ELK3: variants seen among roughly 807,000 people sequenced by gnomAD.
ELK3 encodes the protein ETS transcription factor ELK3.
ELK3 carries 10 observed loss-of-function variants against 28.9 expected under a neutral mutation model. That is an observed-to-expected ratio of 0.35 (90% confidence interval 0.21 to 0.59). The LOEUF (loss-of-function observed/expected upper bound fraction) is 0.59. ELK3 is among the 20% of genes least tolerant of loss of function. ELK3 has a pLI of 0.82. For synonymous variants in ELK3, 272 were observed against 243.5 expected (o/e 1.12, Z -1.09); for missense variants, 463 against 517.3 (o/e 0.90, Z 1.02).
chr12:96,246,871 A>G (rs1336101553), intron 2 of ELK3, 69 bp from the exon 3 acceptor site: 1 of 1,474,678 alleles, frequency 6.8e-7, no homozygotes, highest in East Asian at 2.3e-5. Context: ...GACATTTACC[A>G]TTATCATGAG....
In ELK3 at chr12:96,267,466, T is replaced by G. The variant is rs997129166; in HGVS notation, c.*286T>G. On this transcript the variant is annotated 3_prime_UTR_variant, in exon 5 of 5. Coordinates refer to ENST00000228741, the MANE Select transcript of ELK3 (RefSeq NM_005230.4). ...ACTGTTGACAGTGAAGAACTTTTCT[T>G]AATGGTTTTCAGTATAACTAATAAG... 4 of 265,114 alleles carry G rather than the reference T, an allele frequency of 1.5e-5. No homozygotes were observed. Among genetic ancestry groups the G allele is most frequent in the African/African-American group, 9.0e-5 (4 of 44,620 alleles). 16.4% of individuals were successfully genotyped at this position (265,114 alleles called of 1,614,324 possible).
At chr12:96,251,643 C>T (rs1283281583) in intron 3 of ELK3, among the ~76,000 whole-genome samples, 1 of 152,098 alleles carries the variant, frequency 6.6e-6, no homozygotes, top group Non-Finnish European at 1.5e-5. Flanking sequence ...AGTGGGACAT[C>T]CTGATTGTTG....
chr12:96,254,591 C>T (rs1046621357), intron 3 of ELK3, among the ~76,000 whole-genome samples: 2 of 152,090 alleles, frequency 1.3e-5, no homozygotes, highest in African/African-American at 4.8e-5. Context: ...CAGGTCAACA[C>T]ACATGAACTG....
At chr12:96,219,365 G>A (rs895509157) in intron 1 of ELK3, among the ~76,000 whole-genome samples, 20 of 152,130 alleles carry the variant, frequency 1.3e-4, no homozygotes, top group Non-Finnish European at 2.8e-4. Context: ...ACGAAAATCT[G>A]TAGTGTTAGC....
intron 1 of ELK3, among the ~76,000 whole-genome samples, chr12:96,201,483 C>T (rs542800176): frequency 2.0e-5 from 3 of 148,356 alleles, no homozygotes; most frequent in African/African-American, 7.4e-5. Context: ...CGTGGTGGTG[C>T]GTGCCAGTAG....
At chr12:96,226,516 C>CCACATGCACACACCCATGCCCACATGCA (rs113727989) in intron 2 of ELK3, among the ~76,000 whole-genome samples, 1 of 150,024 alleles carries the variant, frequency 6.7e-6, no homozygotes, top group Non-Finnish European at 1.5e-5. Flanking sequence ...ACACCCATGC[C>CCACATGCACACACCCATGCCCACATGCA]CACACAGATG....
At chr12:96,208,527 A>G (rs1369576264) in intron 1 of ELK3, among the ~76,000 whole-genome samples, 1 of 152,210 alleles carries the variant, frequency 6.6e-6, no homozygotes, top group Non-Finnish European at 1.5e-5. Flanking sequence ...TGGAAGGGAG[A>G]GGGTCAAGAG....
chr12:96,226,825 A>G (rs1951705527), intron 2 of ELK3, among the ~76,000 whole-genome samples: 1 of 151,994 alleles, frequency 6.6e-6, no homozygotes, highest in Admixed American at 6.5e-5. Context: ...GGGGAGGAAG[A>G]TAAGAAGAAA....
chr12:96,252,809 A>G (rs1240497079), intron 3 of ELK3, among the ~76,000 whole-genome samples: 3 of 152,248 alleles, frequency 2.0e-5, no homozygotes. Context: ...AATGACAACA[A>G]AGGACTGAGA....
intron 2 of ELK3, among the ~76,000 whole-genome samples, chr12:96,238,863 C>T (rs1193562123): frequency 1.3e-5 from 2 of 152,160 alleles, no homozygotes; most frequent in Non-Finnish European, 2.9e-5. Flanking sequence ...CAGTTAACCC[C>T]ACTATTACTC....
intron 3 of ELK3, among the ~76,000 whole-genome samples, chr12:96,251,574 AG>A (rs1167753491): frequency 1.3e-5 from 2 of 152,316 alleles, no homozygotes; most frequent in African/African-American, 2.4e-5. Flanking sequence ...GTAAATGTAA[AG>A]GAAGAGTTCC....
rs1317426274 is a variant in ELK3, at chr12:96,199,033, C to T, written c.-3+4328C>T. Among the ~76,000 whole-genome samples the T allele has an allele frequency of 7.9e-5, 12 of 152,276 alleles. No homozygotes were observed. In the South Asian group the frequency reaches 1.5e-3, roughly 18 times the overall value. ...TGGTTCAAGTAATGTTCTAAGAATG[C>T]TGCCCTCTTGAAAGACTGAGTTCCT... On this transcript the variant is annotated intron_variant, in intron 1 of 4. Transcript: ENST00000228741.
rs751251774 is a variant in ELK3 at position 96,267,254 on chromosome 12, C to T, written c.*74C>T. 26 of 1,279,360 alleles carry T rather than the reference C, an allele frequency of 2.0e-5. 1 individual carries two copies. The highest frequency in any genetic ancestry group is 6.7e-5 in the Admixed American group (3 of 44,466). The allele number at this position is 1,279,360 out of a possible 1,614,324, so 79.3% of individuals were successfully genotyped here. ...TCCCCACGGGCTAGTTTACCTGTGT[C>T]GTGAGAAGGACATTGTGAAACTCTT... On this transcript the variant is annotated 3_prime_UTR_variant, in exon 5 of 5. Transcript: ENST00000228741.
intron 2 of ELK3, among the ~76,000 whole-genome samples, chr12:96,232,111 G>A (rs1951745833): frequency 3.3e-5 from 5 of 152,200 alleles, no homozygotes; most frequent in Admixed American, 2.6e-4. Context: ...GATATACCAA[G>A]AAGGGAACAG....
In ELK3 at chr12:96,247,728, C is replaced by T. The variant is rs768017638; in HGVS notation, c.996C>T (p.Thr332=). Residue 332 remains threonine (T), a synonymous_variant, in exon 3 of 5, where the codon ACC becomes ACT. Coordinates refer to ENST00000228741, the MANE Select transcript of ELK3 (RefSeq NM_005230.4). This position sits in a 1 kb window ranked among gnomAD's most constrained non-coding sequence, Gnocchi z 5.5. ...PSGSLTPAFF[T]AQTPNGLLLT... ...GATCCCTCACCCCAGCCTTCTTCAC[C>T]GCACAGGTAAGAGTCATTCCTGTCA... 1.1e-5 allele frequency: 18 copies of T among 1,571,424 alleles called. No individual in the cohort carries two copies. The highest frequency in any genetic ancestry group is 6.8e-5 in the African/African-American group (5 of 73,352).
In ELK3 at chr12:96,207,681, G is replaced by C. The variant is rs547340773; in HGVS notation, c.-3+12976G>C. 1.8e-4 allele frequency among the ~76,000 whole-genome samples: 27 copies of C among 152,228 alleles called. No individual in the cohort carries two copies. In the South Asian group the frequency reaches 5.4e-3, roughly 30 times the overall value. On this transcript the variant is annotated intron_variant, in intron 1 of 4. Transcript: ENST00000228741. ...CTAAAGATGTTGATGGTGATCCCTC[G>C]GTCATGAATACCAGTAACTCATAAC...
Position 96,247,731 on chromosome 12 carries a change from A to C in ELK3, c.999A>C (p.Ala333=). ...CCCTCACCCCAGCCTTCTTCACCGC[A>C]CAGGTAAGAGTCATTCCTGTCATCT... is the stretch of plus-strand genomic sequence containing the variant. ...SGSLTPAFFT[A]QTPNGLLLTP... is the part of the protein sequence containing the mutation. The change falls in exon 3 of 5, where the codon GCA becomes GCC. Residue 333 remains alanine, a synonymous_variant. Transcript: ENST00000228741. This position sits in a 1 kb window ranked among gnomAD's most constrained non-coding sequence, Gnocchi z 5.5. 6.4e-7 allele frequency: 1 copy of C among 1,568,186 alleles called. No individual in the cohort carries two copies. Among genetic ancestry groups the C allele is most frequent in the Non-Finnish European group, 8.6e-7 (1 of 1,158,500 alleles).
intron 1 of ELK3, among the ~76,000 whole-genome samples, chr12:96,220,382 A>ATTTTTTTTTTTTTTTTT (rs35309478): frequency 1.0e-5 from 1 of 100,324 alleles, no homozygotes; most frequent in Non-Finnish European, 1.8e-5. Context: ...CTTTTTCGTG[A>ATTTTTTTTTTTTTTTTT]TTTTTTTTTT....
intron 2 of ELK3, among the ~76,000 whole-genome samples, chr12:96,245,176 GC>G (rs975495667): frequency 1.4e-4 from 21 of 152,154 alleles, no homozygotes; most frequent in African/African-American, 5.1e-4. Flanking sequence ...GCCCTTCGCT[GC>G]CATCATTTAA....
Sources: allele counts gnomAD v4.1 joint callset (sites outside exome capture counted in the v4.1 genomes callset), GRCh38; gene constraint gnomAD v4.1.1; non-coding constraint Gnocchi (gnomAD v3.1); transcripts MANE v1.5; gene names NCBI Gene and HGNC (gene_info 2026-07-23, HGNC 2026-07-21).